GBP6: variants seen among roughly 807,000 people sequenced by gnomAD.
GBP6 encodes guanylate binding protein family member 6.
In GBP6, 54 loss-of-function variants were observed where a neutral mutation model predicts 61.5. The ratio of observed to expected loss-of-function variants is 0.88; its 90% CI spans 0.71 to 1.10. The LOEUF (loss-of-function observed/expected upper bound fraction) is 1.10. Among genes scored for constraint, GBP6 ranks in the 50% least tolerant of loss-of-function variants. The pLI is 0.00. For synonymous variants in GBP6, 255 were observed against 273.7 expected, an observed-to-expected ratio of 0.93 and a Z score of 0.67; for missense variants, 748 against 752.8, an observed-to-expected ratio of 0.99 and a Z score of 0.07.
At position 89,387,267 on chromosome 1, in the gene GBP6, C is replaced by T. The variant is rs946152821; in HGVS notation, c.*1798C>T. Among the ~76,000 whole-genome samples, 3 of 152,160 alleles carry T rather than the reference C, an allele frequency of 2.0e-5. No individual in the cohort carries two copies. The highest frequency in any genetic ancestry group is 7.2e-5 in the African/African-American group (3 of 41,428). ...TACAAACACCCAAATATTTCAAGGA[C>T]CCTTGGAATCAGGATCCAAGTTGCC... On this transcript the variant is annotated 3_prime_UTR_variant, in exon 11 of 11. Transcript: ENST00000370456.
chr1:89,375,422 G>A (rs963506615), intron 3 of GBP6, among the ~76,000 whole-genome samples: 1 of 152,276 alleles, frequency 6.6e-6, no homozygotes, highest in Admixed American at 6.5e-5. Flanking sequence ...GTGTAAATTA[G>A]TTCAACCATT....
At chr1:89,383,806 T>G (rs1363584301) in intron 9 of GBP6, 52 bp downstream of exon 9, 2 of 1,249,960 alleles carry the variant, frequency 1.6e-6, no homozygotes, top group African/African-American at 3.0e-5. Flanking sequence ...TACAATGCCC[T>G]CTAACAGATC....
At chr1:89,366,194 C>A (rs1015237482) in intron 1 of GBP6, among the ~76,000 whole-genome samples, 7 of 152,124 alleles carry the variant, frequency 4.6e-5, no homozygotes, top group East Asian at 1.9e-4. Flanking sequence ...CATAATTTCT[C>A]TCTCTCTCTA....
chr1:89,387,269 C>G lies in GBP6; in HGVS notation c.*1800C>G, dbSNP rs1570474816. Among the ~76,000 whole-genome samples the G allele has an allele frequency of 6.6e-6, 1 of 152,218 alleles. No individual in the cohort carries two copies. The highest frequency in any genetic ancestry group is 1.9e-4 in the East Asian group (1 of 5,182). The stretch of plus-strand genomic sequence containing the variant: ...CAAACACCCAAATATTTCAAGGACC[C>G]TTGGAATCAGGATCCAAGTTGCCCA... On this transcript the variant is annotated 3_prime_UTR_variant, in exon 11 of 11. Coordinates refer to ENST00000370456, the MANE Select transcript of GBP6 (RefSeq NM_198460.3).
chr1:89,385,170 G>GT, intron 10 of GBP6, 60 bp from the exon 11 acceptor site: 1 of 1,451,256 alleles, frequency 6.9e-7, no homozygotes, highest in South Asian at 1.3e-5. Flanking sequence ...AATACAAAAT[G>GT]TAAGTCTTAA....
intron 3 of GBP6, among the ~76,000 whole-genome samples, chr1:89,374,602 C>T (rs193288089): frequency 6.6e-6 from 1 of 152,084 alleles, no homozygotes; most frequent in African/African-American, 2.4e-5. Flanking sequence ...TTTTTAACTC[C>T]TTTGGTAATA....
At chr1:89,370,321 C>T (rs920007761) in intron 3 of GBP6, among the ~76,000 whole-genome samples, 1 of 152,162 alleles carries the variant, frequency 6.6e-6, no homozygotes, top group African/African-American at 2.4e-5. Flanking sequence ...GAGGAGAGGC[C>T]TCTCACCCAC....
intron 3 of GBP6, among the ~76,000 whole-genome samples, chr1:89,371,480 T>G (rs1652638888): frequency 6.6e-6 from 1 of 152,174 alleles, no homozygotes; most frequent in South Asian, 2.1e-4. Flanking sequence ...CAAGTGGGCT[T>G]CATCCCTGGG....
chr1:89,373,154 G>T (rs974316322), intron 3 of GBP6, among the ~76,000 whole-genome samples: 1 of 152,200 alleles, frequency 6.6e-6, no homozygotes, highest in Non-Finnish European at 1.5e-5. Context: ...TCATTAAAAA[G>T]TCAGGAAGCA....
chr1:89,375,087 A>T (rs545269136), intron 3 of GBP6, among the ~76,000 whole-genome samples: 7 of 152,322 alleles, frequency 4.6e-5, no homozygotes, highest in African/African-American at 1.7e-4. Flanking sequence ...CATGTCCTTG[A>T]AAAGGACATG....
intron 3 of GBP6, among the ~76,000 whole-genome samples, chr1:89,371,642 T>G (rs186922544): frequency 6.6e-6 from 1 of 152,212 alleles, no homozygotes; most frequent in East Asian, 1.9e-4. Context: ...CTCAATAAAT[T>G]AGGTATTGAT....
rs1447407680 is a variant in GBP6 at position 89,386,160 on chromosome 1, A to C, written c.*691A>C. On this transcript the variant is annotated 3_prime_UTR_variant, in exon 11 of 11. Coordinates refer to ENST00000370456, the MANE Select transcript of GBP6 (RefSeq NM_198460.3). The stretch of plus-strand genomic sequence containing the variant: ...GAATGGTCTTGAAGAGACATTGTAA[A>C]ATGAAAAAAAAAAAAACCAAGTTGT... 3 of 152,104 alleles carry C rather than the reference A, an allele frequency of 2.0e-5. No individual in the cohort carries two copies. The highest frequency in any genetic ancestry group is 2.9e-5 in the Non-Finnish European group (2 of 68,028). The allele number at this position is 152,104 out of a possible 1,614,324, so 9.4% of individuals were successfully genotyped here.
At chr1:89,366,253 G>A (rs113641947) in intron 1 of GBP6, among the ~76,000 whole-genome samples, 6 of 152,144 alleles carry the variant, frequency 3.9e-5, no homozygotes, top group African/African-American at 1.4e-4. Context: ...TATATGTATT[G>A]TTATTCTTAT....
chr1:89,378,733 G>C, intron 5 of GBP6, 120 bp downstream of exon 5: 2 of 739,010 alleles, frequency 2.7e-6, no homozygotes, highest in East Asian at 5.2e-5. Flanking sequence ...TAGAAACGGG[G>C]ACTGAGGGGT....
chr1:89,370,036 G>A (rs1652579654), intron 3 of GBP6, among the ~76,000 whole-genome samples: 2 of 152,196 alleles, frequency 1.3e-5, no homozygotes, highest in Admixed American at 1.3e-4. Flanking sequence ...AGAGGGAGGA[G>A]ATGGGAATGC....
At chr1:89,380,754 C>A in intron 6 of GBP6, 123 bp downstream of exon 6, 1 of 816,888 alleles carries the variant, frequency 1.2e-6, no homozygotes, top group Non-Finnish European at 1.9e-6. Context: ...TATTCACACT[C>A]AGTGAAGAAA....
At chr1:89,372,402 G>A (rs1351605189) in intron 3 of GBP6, among the ~76,000 whole-genome samples, 1 of 152,202 alleles carries the variant, frequency 6.6e-6, no homozygotes, top group Admixed American at 6.5e-5. Context: ...CATGCTACCT[G>A]ACTTCAAACT....
Position 89,383,752 on chromosome 1 carries a change from C to T in GBP6, c.1466C>T (p.Ala489Val). 6.2e-7 allele frequency: 1 copy of T among 1,603,642 alleles called. No individual in the cohort carries two copies. The highest frequency in any genetic ancestry group is 8.5e-7 in the Non-Finnish European group (1 of 1,173,776). The change falls in exon 9 of 11, where the codon GCA becomes GTA. Residue 489 changes from alanine (A) to valine (V), a missense_variant and splice_region_variant. Coordinates refer to ENST00000370456, the MANE Select transcript of GBP6 (RefSeq NM_198460.3). ...CTCACTGATAGAGAGAAGGCAGTAG[C>T]AGGTATGGGGCAGGGCTCAGCTTAC... ...KALTDREKAV[A>V]VDRAKKEAAE...
chr1:89,371,730 A>G (rs1652648607), intron 3 of GBP6, among the ~76,000 whole-genome samples: 1 of 152,240 alleles, frequency 6.6e-6, no homozygotes, highest in Admixed American at 6.5e-5. Context: ...AAAAACTGGA[A>G]GCATTCCCTT....
Sources: allele counts gnomAD v4.1 joint callset (sites outside exome capture counted in the v4.1 genomes callset), GRCh38; gene constraint gnomAD v4.1.1; transcripts MANE v1.5; gene names NCBI Gene and HGNC (gene_info 2026-07-23, HGNC 2026-07-21).